SCD5: variants seen among roughly 807,000 people sequenced by gnomAD.
SCD5 encodes the protein acyl-CoA-desaturase 4.
SCD5 carries 20 observed loss-of-function variants against 30.4 expected under a neutral mutation model. That is an observed-to-expected ratio of 0.66 (90% CI 0.46 to 0.96). SCD5 has a LOEUF of 0.96. Ranked by LOEUF, SCD5 falls within the 40% of genes least tolerant of loss-of-function variation. The pLI is 0.00. For missense variants in SCD5, 381 were observed against 443.3 expected (o/e 0.86, Z 1.26); for synonymous variants, 173 against 176.4 (o/e 0.98, Z 0.16).
At chr4:82,699,447 C>G (rs1483020653) in intron 2 of SCD5, among the ~76,000 whole-genome samples, 1 of 152,128 alleles carries the variant, frequency 6.6e-6, no homozygotes, top group Middle Eastern at 3.4e-3. Flanking sequence ...TGCAGTGGCA[C>G]AATCTCAACT....
At chr4:82,726,508 C>G (rs1484905239) in intron 1 of SCD5, among the ~76,000 whole-genome samples, 1 of 148,756 alleles carries the variant, frequency 6.7e-6, no homozygotes, top group East Asian at 1.9e-4. Context: ...TTGCCGGACA[C>G]TGAGATTAAA....
intron 4 of SCD5, among the ~76,000 whole-genome samples, chr4:82,635,595 T>TG (rs1385893832): frequency 2.4e-5 from 3 of 125,816 alleles, no homozygotes; most frequent in African/African-American, 3.1e-5. Flanking sequence ...CACTCCAGCC[T>TG]GGCAACAGAG....
chr4:82,798,363 C>T lies in SCD5; in HGVS notation c.175G>A (p.Gly59Arg). Residue 59 changes from glycine to arginine, a missense_variant, in exon 1 of 5, where the codon GGG (glycine) becomes AGG (arginine). Coordinates refer to ENST00000319540, the MANE Select transcript of SCD5 (RefSeq NM_001037582.3). ...ATGAGCACCAGGGAGTACACGGCCC[C>T]CAAGTGGAGCAAGCTCATCAGGACG... ...NVVLMSLLHL[G>R]AVYSLVLIPK... is the part of the protein sequence containing the mutation. The T allele has an allele frequency of 5.0e-6, 8 of 1,613,360 alleles. No homozygotes were observed. Among genetic ancestry groups the T allele is most frequent in the South Asian group, 1.1e-5 (1 of 91,050 alleles).
intron 1 of SCD5, among the ~76,000 whole-genome samples, chr4:82,759,546 C>T (rs535969162): frequency 1.3e-5 from 2 of 151,490 alleles, no homozygotes; most frequent in Admixed American, 1.3e-4. Flanking sequence ...TTCAGCTGGG[C>T]GCAGCAGCAC....
chr4:82,689,933 T>C (rs191654115), intron 2 of SCD5, among the ~76,000 whole-genome samples: 6 of 152,240 alleles, frequency 3.9e-5, no homozygotes, highest in Admixed American at 3.3e-4. Context: ...TGAAGTAACA[T>C]GAGCAAACCC....
intron 3 of SCD5, among the ~76,000 whole-genome samples, chr4:82,664,250 A>G (rs1208251205): frequency 6.6e-6 from 1 of 152,240 alleles, no homozygotes; most frequent in Non-Finnish European, 1.5e-5. Flanking sequence ...TAATAGCAGC[A>G]GTAAAATCTA....
chr4:82,659,474 A>G (rs1813717), intron 3 of SCD5, among the ~76,000 whole-genome samples: 88,122 of 151,976 alleles, frequency 0.58, 26,091 homozygotes, highest in Admixed American at 0.69. Flanking sequence ...ATTTAGTGCT[A>G]TAGATTTCCC....
At chr4:82,657,126 C>T (rs1268146692) in intron 3 of SCD5, among the ~76,000 whole-genome samples, 1 of 152,152 alleles carries the variant, frequency 6.6e-6, no homozygotes, top group African/African-American at 2.4e-5. Flanking sequence ...TCAATTTTGG[C>T]TTTCATTGCC....
intron 1 of SCD5, among the ~76,000 whole-genome samples, chr4:82,769,566 T>C (rs1314246583): frequency 3.9e-5 from 6 of 152,226 alleles, no homozygotes; most frequent in Non-Finnish European, 8.8e-5. Context: ...ATTCAGTCTA[T>C]ATTGATGCAT....
chr4:82,744,910 T>C (rs188886606), intron 1 of SCD5, among the ~76,000 whole-genome samples: 28 of 152,224 alleles, frequency 1.8e-4, no homozygotes, highest in Non-Finnish European at 2.8e-4. Flanking sequence ...CATTTATTCA[T>C]GCAGTATAAT....
intron 2 of SCD5, among the ~76,000 whole-genome samples, chr4:82,700,414 C>A (rs6856169): frequency 0.027 from 4,082 of 151,948 alleles, 216 homozygotes; most frequent in African/African-American, 0.093. Context: ...TGCAGAAAAT[C>A]AAAGACAAAG....
rs747796000 is a variant in SCD5, at chr4:82,680,787, C to T, written c.489G>A (p.Lys163=). 3.1e-6 allele frequency: 5 copies of T among 1,614,080 alleles called. No individual in the cohort carries two copies. In the South Asian group the frequency reaches 5.5e-5, roughly 18 times the overall value. The change falls in exon 3 of 5, where the codon AAG becomes AAA. Residue 163 remains lysine (K), a synonymous_variant. Transcript: ENST00000319540. ...FSHIGWLFVR[K]HRDVIEKGRK... ...TCCCCTTCTCAATAACATCTCGATG[C>T]TTGCGAACAAACAGCCACCCAATAT...
chr4:82,798,660 C>T lies in SCD5; in HGVS notation c.-123G>A. The stretch of plus-strand genomic sequence containing the variant: ...GGGAATTCTCCGCACGTCCAGTCCC[C>T]TCCTTCCAGCCCTTCTCCCGGGCTC... On this transcript the variant is annotated 5_prime_UTR_variant, in exon 1 of 5. Coordinates refer to ENST00000319540, the MANE Select transcript of SCD5 (RefSeq NM_001037582.3). The T allele has an allele frequency of 2.5e-6, 2 of 810,762 alleles. No individual in the cohort carries two copies. The highest frequency in any genetic ancestry group is 3.8e-6 in the Non-Finnish European group (2 of 531,576). The allele number at this position is 810,762 out of a possible 1,614,324, so 50.2% of individuals were successfully genotyped here.
At chr4:82,712,724 T>G (rs1377280837) in intron 1 of SCD5, among the ~76,000 whole-genome samples, 1 of 152,006 alleles carries the variant, frequency 6.6e-6, no homozygotes, top group Non-Finnish European at 1.5e-5. Flanking sequence ...AATGAATGTG[T>G]GTGTATGTGT....
intron 1 of SCD5, among the ~76,000 whole-genome samples, chr4:82,776,528 A>G (rs185175191): frequency 2.0e-4 from 31 of 152,286 alleles, no homozygotes; most frequent in Admixed American, 4.6e-4. Flanking sequence ...AGGCTTTCCT[A>G]GGAAAGGCAT....
At chr4:82,698,039 A>G (rs1398333106) in intron 2 of SCD5, 4 of 456,622 alleles carry the variant, frequency 8.8e-6, no homozygotes, top group Non-Finnish European at 1.8e-5. Context: ...TCACACCAGG[A>G]AAAGCTGTCA....
intron 3 of SCD5, among the ~76,000 whole-genome samples, chr4:82,649,907 C>T (rs1416616466): frequency 1.3e-5 from 2 of 152,148 alleles, no homozygotes; most frequent in Non-Finnish European, 2.9e-5. Context: ...GTTCGTCTGG[C>T]GTGATTGTGC....
At chr4:82,749,435 A>G (rs62311829) in intron 1 of SCD5, among the ~76,000 whole-genome samples, 7,535 of 152,274 alleles carry the variant, frequency 0.049, 232 homozygotes, top group South Asian at 0.13. Flanking sequence ...TTAAAACTAC[A>G]ATTTCTCCAA....
At chr4:82,645,446 A>G (rs2148813535) in intron 3 of SCD5, among the ~76,000 whole-genome samples, 1 of 152,350 alleles carries the variant, frequency 6.6e-6, no homozygotes, top group South Asian at 2.1e-4. Flanking sequence ...TGTCAAAAAC[A>G]TAAAGGCAAA....
Sources: gnomAD v4.1 joint callset for allele counts (sites outside exome capture counted in the v4.1 genomes callset) on GRCh38, gnomAD v4.1.1 for gene constraint, MANE v1.5 for transcripts, NCBI Gene and HGNC (gene_info 2026-07-23, HGNC 2026-07-21) for gene names.